The following DGKG variants were observed in gnomAD, a reference collection of about 807,000 sequenced individuals.
The protein encoded by DGKG is DAG kinase gamma.
Under a neutral mutation model 105.3 loss-of-function variants are expected in DGKG, and 78 were observed. The observed-to-expected ratio is 0.74, with a 90% confidence interval of 0.62 to 0.89. The LOEUF (loss-of-function observed/expected upper bound fraction) is 0.89, where lower values mean the gene tolerates loss of function less well. Ranked by LOEUF, DGKG falls within the 40% of genes least tolerant of loss-of-function variation. DGKG has a pLI of 0.00. For missense variants in DGKG, 958 were observed against 1,020.1 expected, an observed-to-expected ratio of 0.94 and a Z score of 0.83; for synonymous variants, 346 against 367.1, an observed-to-expected ratio of 0.94 and a Z score of 0.66.
Position 186,255,873 on chromosome 3 carries a change from C to G in DGKG, c.1510+1981G>C, listed in dbSNP as rs568528743. Among the ~76,000 whole-genome samples, 4 of 152,288 alleles carry G rather than the reference C, an allele frequency of 2.6e-5. No homozygotes were observed. In the South Asian group the frequency reaches 6.2e-4, roughly 24 times the overall value. The stretch of plus-strand genomic sequence containing the variant: ...TGAGAGTGAACGGATGAATATCTTA[C>G]GCAGTTATCCCTTTTGCTTCTGCTT... On this transcript the variant is annotated intron_variant, in intron 17 of 24. Coordinates refer to ENST00000265022, the MANE Select transcript of DGKG (RefSeq NM_001346.3).
intron 24 of DGKG, 36 bp downstream of exon 24, chr3:186,161,567 C>T (rs1716292876): frequency 6.2e-7 from 1 of 1,613,898 alleles, no homozygotes; most frequent in Non-Finnish European, 8.5e-7. Flanking sequence ...AAAAATAAGG[C>T]TTCTCATCCC....
Position 186,231,199 on chromosome 3 carries a change from A to G in DGKG, c.1826+11305T>C, listed in dbSNP as rs1443653232. Among the ~76,000 whole-genome samples the G allele has an allele frequency of 6.6e-6, 1 of 152,094 alleles. No individual in the cohort carries two copies. The highest frequency in any genetic ancestry group is 1.5e-5 in the Non-Finnish European group (1 of 68,018). ...TTCTCTCCAGGAAAAGTGATTTTGGATAACTTGTGGTTTTCTCATGGGCCC... is the reference window on the plus strand; with the variant it reads ...TTCTCTCCAGGAAAAGTGATTTTGGGTAACTTGTGGTTTTCTCATGGGCCC... On this transcript the variant is annotated intron_variant, in intron 20 of 24. Coordinates refer to ENST00000265022, the MANE Select transcript of DGKG (RefSeq NM_001346.3). This position sits in a 1 kb window ranked among gnomAD's most constrained non-coding sequence, Gnocchi z 4.5.
intron 22 of DGKG, among the ~76,000 whole-genome samples, chr3:186,183,435 C>T (rs1387180304): frequency 6.6e-6 from 1 of 151,950 alleles, no homozygotes; most frequent in Non-Finnish European, 1.5e-5. Flanking sequence ...TCTCACTATT[C>T]TTATTGTTGT....
intron 9 of DGKG, among the ~76,000 whole-genome samples, chr3:186,277,905 C>T (rs1722657791): frequency 6.6e-6 from 1 of 152,152 alleles, no homozygotes; most frequent in Non-Finnish European, 1.5e-5. Context: ...AAGCAATGGA[C>T]TTTTAAGACA....
chr3:186,218,084 A>G (rs974106475), intron 20 of DGKG, among the ~76,000 whole-genome samples: 1 of 152,116 alleles, frequency 6.6e-6, no homozygotes, highest in African/African-American at 2.4e-5. Context: ...GGGCAGAATG[A>G]TTTAGTGGAG....
intron 2 of DGKG, 120 bp from the exon 3 acceptor site, chr3:186,307,097 G>A (rs1236307616): frequency 1.4e-6 from 1 of 693,882 alleles, no homozygotes; most frequent in Non-Finnish European, 2.6e-6. Context: ...CAGAAAATCT[G>A]GAGAAATGTC....
At chr3:186,357,356 A>C (rs1222044377) in intron 1 of DGKG, among the ~76,000 whole-genome samples, 8 of 152,154 alleles carry the variant, frequency 5.3e-5, no homozygotes, top group Admixed American at 5.2e-4. Flanking sequence ...AGATGGTGGC[A>C]ATCCTAATCC....
At chr3:186,277,159 G>T (rs538644840) in intron 9 of DGKG, among the ~76,000 whole-genome samples, 1 of 151,986 alleles carries the variant, frequency 6.6e-6, no homozygotes, top group African/African-American at 2.4e-5. Flanking sequence ...TCATTTATTC[G>T]TTTGACCAAC....
intron 21 of DGKG, among the ~76,000 whole-genome samples, chr3:186,209,634 C>T (rs1184744429): frequency 6.6e-6 from 1 of 152,056 alleles, no homozygotes; most frequent in African/African-American, 2.4e-5. Context: ...TCTGCAGCAA[C>T]CACGTTTAGA....
At chr3:186,161,924 C>T (rs144496355) in intron 23 of DGKG, among the ~76,000 whole-genome samples, 2,307 of 152,126 alleles carry the variant, frequency 0.015, 68 homozygotes, top group African/African-American at 0.053. Flanking sequence ...GATGGAGTTC[C>T]GCTCTTGTTG....
intron 14 of DGKG, among the ~76,000 whole-genome samples, chr3:186,264,292 C>A (rs1721935459): frequency 7.4e-6 from 1 of 135,576 alleles, no homozygotes; most frequent in Non-Finnish European, 1.6e-5. Context: ...GAGACATAAT[C>A]TCCCTCTGTT....
chr3:186,163,471 G>C (rs1716396731), intron 23 of DGKG, among the ~76,000 whole-genome samples: 1 of 152,076 alleles, frequency 6.6e-6, no homozygotes, highest in African/African-American at 2.4e-5. Flanking sequence ...CCCTCACCTG[G>C]GTATGGCAAC....
At chr3:186,297,678 A>G (rs1044217237) in intron 4 of DGKG, among the ~76,000 whole-genome samples, 195 bp from the exon 5 acceptor site, 1 of 152,176 alleles carries the variant, frequency 6.6e-6, no homozygotes, top group African/African-American at 2.4e-5. Flanking sequence ...CCAGGAAGAC[A>G]GGGATCATGG....
At chr3:186,311,349 T>C (rs988168684) in intron 2 of DGKG, among the ~76,000 whole-genome samples, 1 of 152,230 alleles carries the variant, frequency 6.6e-6, no homozygotes, top group African/African-American at 2.4e-5. Context: ...TTAAAATTGC[T>C]GTGCTTGGCA....
chr3:186,297,121 T>G (rs892097371), intron 5 of DGKG, among the ~76,000 whole-genome samples: 4 of 77,778 alleles, frequency 5.1e-5, no homozygotes, highest in Non-Finnish European at 9.8e-5. Context: ...CTGAGAAGGC[T>G]CTCCACTTTT....
At chr3:186,278,602 C>T (rs1280614466) in intron 9 of DGKG, among the ~76,000 whole-genome samples, 2 of 152,134 alleles carry the variant, frequency 1.3e-5, no homozygotes, top group Non-Finnish European at 2.9e-5. Context: ...AGAAGGGGGT[C>T]ATGTAGATCC....
At chr3:186,346,138 T>A (rs1726321153) in intron 1 of DGKG, among the ~76,000 whole-genome samples, 1 of 152,220 alleles carries the variant, frequency 6.6e-6, no homozygotes, top group African/African-American at 2.4e-5. Context: ...CAGTACTAGT[T>A]GCCTATCTTT....
chr3:186,262,073 A>G, intron 14 of DGKG: 1 of 271,838 alleles, frequency 3.7e-6, no homozygotes. Flanking sequence ...CTACAGCACA[A>G]GATGAAATTT....
At chr3:186,233,278 C>T (rs113738006) in intron 20 of DGKG, among the ~76,000 whole-genome samples, 4 of 152,072 alleles carry the variant, frequency 2.6e-5, no homozygotes, top group African/African-American at 9.7e-5. Context: ...GAGAAGGACT[C>T]GACTGGCCAC....
Sources: allele counts gnomAD v4.1 joint callset (sites outside exome capture counted in the v4.1 genomes callset), GRCh38; gene constraint gnomAD v4.1.1; non-coding constraint Gnocchi (gnomAD v3.1); transcripts MANE v1.5; gene names NCBI Gene and HGNC (gene_info 2026-07-23, HGNC 2026-07-21).